Variants in DGLUCY observed in about 807,000 individuals in gnomAD.
The protein encoded by DGLUCY is D-glutamate cyclase.
DGLUCY carries 58 observed loss-of-function variants against 58.5 expected under a neutral mutation model. The ratio of observed to expected loss-of-function variants is 0.99; its 90% CI spans 0.80 to 1.23. The LOEUF (loss-of-function observed/expected upper bound fraction) is 1.23. Ranked by LOEUF, DGLUCY falls within the 50% of genes most tolerant of loss-of-function variation. DGLUCY has a pLI of 0.00. For synonymous variants in DGLUCY, 325 were observed against 314.1 expected (o/e 1.03, Z -0.37); for missense variants, 779 against 784.7 (o/e 0.99, Z 0.09).
chr14:91,155,660 G>T (rs2047576109), intron 1 of DGLUCY, among the ~76,000 whole-genome samples: 1 of 152,092 alleles, frequency 6.6e-6, no homozygotes, highest in Admixed American at 6.6e-5. Context: ...GATGGGCGTG[G>T]TGGTGCTCAC....
At chr14:91,190,327 A>C (rs891398110) in intron 9 of DGLUCY, among the ~76,000 whole-genome samples, 1 of 152,166 alleles carries the variant, frequency 6.6e-6, no homozygotes, top group Non-Finnish European at 1.5e-5. Context: ...CAAAACTGAC[A>C]ACAGTCCTGC....
chr14:91,088,897 C>T (rs2044264675), intron 1 of DGLUCY, among the ~76,000 whole-genome samples: 1 of 152,208 alleles, frequency 6.6e-6, no homozygotes, highest in African/African-American at 2.4e-5. Flanking sequence ...TTCTTCTGTT[C>T]CAAGGCCAGC....
chr14:91,070,025 G>A (rs1171534087), intron 1 of DGLUCY, among the ~76,000 whole-genome samples: 3 of 152,014 alleles, frequency 2.0e-5, no homozygotes, highest in South Asian at 2.1e-4. Flanking sequence ...AAAAAAAATC[G>A]ACTTTAGTAT....
chr14:91,114,376 A>G lies in DGLUCY; in HGVS notation c.-82+93A>G, dbSNP rs546199834. The G allele has an allele frequency of 5.9e-5, 9 of 152,394 alleles. No individual in the cohort carries two copies. In the East Asian group the frequency reaches 1.7e-3, roughly 29 times the overall value. 9.4% of individuals were successfully genotyped at this position (152,394 alleles called of 1,614,324 possible). ...CGCCCCACCTAAGGAGCCCAAGGGT[A>G]TTCTGGGAGCCCACCCCAGGACAAT... is the stretch of plus-strand genomic sequence containing the variant. On this transcript the variant is annotated intron_variant, in intron 1 of 13. Transcript: ENST00000256324.
rs117761521 is a variant in DGLUCY, at chr14:91,222,919, C to T, written c.1717-1765C>T. Among the ~76,000 whole-genome samples the T allele has an allele frequency of 3.6e-3, 542 of 152,278 alleles. 6 individuals carry two copies. The East Asian group carries it at 0.042, about 12-fold the overall frequency. On this transcript the variant is annotated intron_variant, in intron 13 of 13. Coordinates refer to ENST00000256324, the MANE Select transcript of DGLUCY (RefSeq NM_001102368.3). ...ACTCTCTTCCTGGCTTACAGATGGCCGCCTTCTTGCTGAGTCCGCATGTGG... is the reference window on the plus strand; with the variant it reads ...ACTCTCTTCCTGGCTTACAGATGGCTGCCTTCTTGCTGAGTCCGCATGTGG...
At chr14:91,158,446 T>C (rs978435190) in intron 2 of DGLUCY, among the ~76,000 whole-genome samples, 1 of 152,244 alleles carries the variant, frequency 6.6e-6, no homozygotes, top group East Asian at 1.9e-4. Flanking sequence ...CAAAGCAATA[T>C]TCTTTTTGTT....
At chr14:91,061,995 G>A (rs1340425474) in intron 1 of DGLUCY, among the ~76,000 whole-genome samples, 2 of 152,180 alleles carry the variant, frequency 1.3e-5, no homozygotes, top group East Asian at 3.9e-4. Context: ...TTTAAACTAA[G>A]CATGGATTGG....
At chr14:91,159,160 A>G (rs191227308) in intron 2 of DGLUCY, among the ~76,000 whole-genome samples, 3 of 141,346 alleles carry the variant, frequency 2.1e-5, no homozygotes, top group Admixed American at 6.9e-5. Context: ...GCATAAGTCA[A>G]TTTAGGCCAG....
intron 4 of DGLUCY, among the ~76,000 whole-genome samples, chr14:91,169,249 G>C (rs192309795): frequency 9.9e-5 from 15 of 152,204 alleles, no homozygotes; most frequent in African/African-American, 3.6e-4. Flanking sequence ...AACCAAAGAA[G>C]TCTTTCAACC....
At chr14:91,218,169 G>A (rs1886873067) in intron 13 of DGLUCY, among the ~76,000 whole-genome samples, 2 of 152,162 alleles carry the variant, frequency 1.3e-5, no homozygotes, top group South Asian at 2.1e-4. Context: ...CTGCCCTAGA[G>A]GGGCCCAGAG....
rs1459531049 is a variant in DGLUCY, at chr14:91,197,965, A to G, written c.1295+1491A>G. ...ATTTTTAATTTTTTGAGGAATGGCC[A>G]TACTATTTTATATAGCAGAGTTGAG... On this transcript the variant is annotated intron_variant, in intron 10 of 13. Transcript: ENST00000256324. Among the ~76,000 whole-genome samples the G allele has an allele frequency of 3.9e-5, 6 of 152,362 alleles. No homozygotes were observed. In the East Asian group the frequency reaches 9.6e-4, roughly 24 times the overall value.
chr14:91,215,336 T>G, intron 12 of DGLUCY, 69 bp from the exon 13 acceptor site: 1 of 1,544,092 alleles, frequency 6.5e-7, no homozygotes, highest in Non-Finnish European at 8.8e-7. Context: ...TAGTTCTGCT[T>G]CCTAGAGGCA....
intron 1 of DGLUCY, among the ~76,000 whole-genome samples, chr14:91,066,373 A>G (rs111670299): frequency 0.29 from 42,423 of 144,400 alleles, 6,275 homozygotes; most frequent in Middle Eastern, 0.33. Context: ...GTGAAACCCC[A>G]TCTGAAAAAA....
chr14:91,155,887 C>T (rs1168638072), intron 1 of DGLUCY, among the ~76,000 whole-genome samples: 2 of 152,080 alleles, frequency 1.3e-5, no homozygotes, highest in African/African-American at 4.8e-5. Context: ...CAGAGGGCGC[C>T]ATTCACATAA....
At chr14:91,087,344 G>A (rs2044239175) in intron 1 of DGLUCY, among the ~76,000 whole-genome samples, 1 of 152,186 alleles carries the variant, frequency 6.6e-6, no homozygotes, top group Non-Finnish European at 1.5e-5. Flanking sequence ...ATAAAGTGAA[G>A]TAGAGGTTCC....
chr14:91,112,110 G>A (rs2044713059), upstream of DGLUCY, among the ~76,000 whole-genome samples: 1 of 151,840 alleles, frequency 6.6e-6, no homozygotes, highest in African/African-American at 2.4e-5. Flanking sequence ...TTAGCTGAGT[G>A]TGGTGGCACA....
At chr14:91,074,143 A>G (rs941605310) in intron 1 of DGLUCY, among the ~76,000 whole-genome samples, 3 of 145,618 alleles carry the variant, frequency 2.1e-5, no homozygotes, top group Non-Finnish European at 4.5e-5. Flanking sequence ...ACACACACAC[A>G]CACACACACA....
Position 91,173,674 on chromosome 14 carries a change from G to A in DGLUCY, c.607+235G>A. 6.1e-6 allele frequency: 3 copies of A among 492,088 alleles called. No homozygotes were observed. In the South Asian group the frequency reaches 9.3e-5, roughly 15 times the overall value. 30.5% of individuals were successfully genotyped at this position (492,088 alleles called of 1,614,324 possible). A position where few individuals can be genotyped will look rare whatever the true frequency, so the allele number is the denominator to read the frequency against. Reference sequence around the variant, plus strand: ...CTTTGTTTTTACCAGGGGTCTCCAGGGGCAAAGGCCCTGAACAAGGCTCAA... The same window carrying A: ...CTTTGTTTTTACCAGGGGTCTCCAGAGGCAAAGGCCCTGAACAAGGCTCAA... On this transcript the variant is annotated intron_variant, in intron 6 of 13. Transcript: ENST00000256324.
chr14:91,084,767 G>GA (rs1277499376), intron 1 of DGLUCY, among the ~76,000 whole-genome samples: 5 of 152,222 alleles, frequency 3.3e-5, no homozygotes, highest in African/African-American at 1.2e-4. Context: ...CATTGGACTT[G>GA]AAGTGGGTGT....
Sources: gnomAD v4.1 joint callset for allele counts (sites outside exome capture counted in the v4.1 genomes callset) on GRCh38, gnomAD v4.1.1 for gene constraint, MANE v1.5 for transcripts, NCBI Gene and HGNC (gene_info 2026-07-23, HGNC 2026-07-21) for gene names.